LGR5: variants seen among roughly 807,000 people sequenced by gnomAD.
LGR5 encodes leucine-rich repeat-containing G protein-coupled receptor 5.
Under a neutral mutation model 76.7 loss-of-function variants are expected in LGR5, and 54 were observed. The ratio of observed to expected loss-of-function variants is 0.70; its 90% CI spans 0.57 to 0.88. The LOEUF is 0.88. Ranked by LOEUF, LGR5 falls within the 40% of genes least tolerant of loss-of-function variation. The pLI is 0.00. For synonymous variants in LGR5, 406 were observed against 421.9 expected (o/e 0.96, Z 0.46); for missense variants, 1,078 against 1,073.3 (o/e 1.00, Z -0.06).
chr12:71,552,373 T>C (rs889818033), intron 4 of LGR5, among the ~76,000 whole-genome samples: 10 of 152,140 alleles, frequency 6.6e-5, no homozygotes, highest in Non-Finnish European at 1.3e-4. Context: ...GAGACCAACC[T>C]GGCCAACATG....
intron 1 of LGR5, among the ~76,000 whole-genome samples, chr12:71,466,292 C>T (rs1381681338): frequency 4.6e-5 from 7 of 152,222 alleles, no homozygotes; most frequent in African/African-American, 1.7e-4. Context: ...GTATCATCAA[C>T]TCTGAAAGGG....
chr12:71,561,515 T>C (rs1408026358), intron 7 of LGR5, among the ~76,000 whole-genome samples: 1 of 152,248 alleles, frequency 6.6e-6, no homozygotes, highest in African/African-American at 2.4e-5. Flanking sequence ...ACAGATTTTC[T>C]TCTTATAACA....
chr12:71,475,518 C>G (rs1373439721), intron 1 of LGR5, among the ~76,000 whole-genome samples: 3 of 152,138 alleles, frequency 2.0e-5, no homozygotes, highest in East Asian at 1.9e-4. Flanking sequence ...GGTCGTGTTG[C>G]AACACAAGCA....
Position 71,440,337 on chromosome 12 carries a change from A to G in LGR5, c.212+45A>G, listed in dbSNP as rs1286576395. 1 of 1,576,702 alleles carries G rather than the reference A, an allele frequency of 6.3e-7. No homozygotes were observed. Among genetic ancestry groups the G allele is most frequent in the Admixed American group, 1.7e-5 (1 of 59,738 alleles). ...ACTCCGGGAGAGAGACTAAGAGGGG[A>G]AGGAAGGTTCGTCCAAGGCGAGGCT... On this transcript the variant is annotated intron_variant, in intron 1 of 17. Transcript: ENST00000266674. This position sits in a 1 kb window ranked among gnomAD's most constrained non-coding sequence, Gnocchi z 5.3.
At chr12:71,519,021 A>T (rs745628840) in intron 2 of LGR5, among the ~76,000 whole-genome samples, 5 of 152,172 alleles carry the variant, frequency 3.3e-5, no homozygotes, top group Non-Finnish European at 5.9e-5. Flanking sequence ...CATCAGAAGG[A>T]CATTTCTAAA....
intron 4 of LGR5, among the ~76,000 whole-genome samples, chr12:71,548,003 T>C: frequency 6.6e-6 from 1 of 152,136 alleles, no homozygotes; most frequent in East Asian, 1.9e-4. Flanking sequence ...GACCATAAAG[T>C]GGGTGCTATT....
intron 1 of LGR5, among the ~76,000 whole-genome samples, chr12:71,456,588 C>T (rs1954586255): frequency 6.6e-6 from 1 of 152,064 alleles, no homozygotes; most frequent in African/African-American, 2.4e-5. Flanking sequence ...AAGAAGGCAA[C>T]CATTTTATTT....
At position 71,580,371 on chromosome 12, in the gene LGR5, C is replaced by T. The variant is rs775333391; in HGVS notation, c.1500C>T (p.Asn500=). 5 of 1,613,848 alleles carry T rather than the reference C, an allele frequency of 3.1e-6. No individual in the cohort carries two copies. The highest frequency in any genetic ancestry group is 1.3e-5 in the African/African-American group (1 of 74,924). Residue 500 remains asparagine (N), a synonymous_variant, in exon 16 of 18, where the codon AAC becomes AAT. Coordinates refer to ENST00000266674, the MANE Select transcript of LGR5 (RefSeq NM_003667.4). ...KISNQWNKGD[N]SSMDDLHKKD... ...CTAATCAATGGAATAAAGGTGACAA[C>T]AGCAGTATGGACGACCTTCATAAGA...
At chr12:71,567,127 A>T (rs957002287) in intron 11 of LGR5, 16 of 540,278 alleles carry the variant, frequency 3.0e-5, no homozygotes, top group Non-Finnish European at 5.3e-5. Flanking sequence ...TAAGTCCCAA[A>T]CAAGCTCCCA....
intron 1 of LGR5, among the ~76,000 whole-genome samples, chr12:71,469,183 T>C (rs766279129): frequency 5.3e-5 from 8 of 152,232 alleles, no homozygotes; most frequent in Non-Finnish European, 8.8e-5. Flanking sequence ...GTGAATTTAT[T>C]CAGCCTGAAA....
intron 17 of LGR5, 197 bp downstream of exon 17, chr12:71,582,736 G>A: frequency 5.6e-6 from 3 of 537,342 alleles, no homozygotes; most frequent in Non-Finnish European, 6.7e-6. Flanking sequence ...GGATTGAGGT[G>A]GGAGGACTTT....
At chr12:71,560,596 A>G (rs936166963) in intron 7 of LGR5, among the ~76,000 whole-genome samples, 3 of 152,212 alleles carry the variant, frequency 2.0e-5, no homozygotes, top group Non-Finnish European at 4.4e-5. Flanking sequence ...GTTCGAGACC[A>G]GCCTGGCCAA....
chr12:71,441,305 CA>C (rs1049707702), intron 1 of LGR5, among the ~76,000 whole-genome samples: 1 of 152,222 alleles, frequency 6.6e-6, no homozygotes. Flanking sequence ...CCGTGCAAAG[CA>C]TCTGGGGCTT....
rs1448541772 is a variant in LGR5, at chr12:71,582,550, C to T, written c.1636+11C>T. On this transcript the variant is annotated intron_variant, in intron 17 of 17. Transcript: ENST00000266674. The stretch of plus-strand genomic sequence containing the variant: ...GTTCACCTTCCCCAGGTGAGAAAGG[C>T]ATCAAAAATTCCTCAACGGCAGTAT... The T allele has an allele frequency of 6.2e-7, 1 of 1,601,124 alleles. No individual in the cohort carries two copies. Among genetic ancestry groups the T allele is most frequent in the South Asian group, 1.1e-5 (1 of 90,836 alleles).
At chr12:71,450,638 T>C (rs1181234121) in intron 1 of LGR5, among the ~76,000 whole-genome samples, 1 of 152,198 alleles carries the variant, frequency 6.6e-6, no homozygotes, top group Non-Finnish European at 1.5e-5. Flanking sequence ...TATGTGATTA[T>C]TGTAATTAAA....
At chr12:71,564,659 AT>A (rs1878225564) in intron 8 of LGR5, among the ~76,000 whole-genome samples, 2 of 148,360 alleles carry the variant, frequency 1.3e-5, no homozygotes, top group Admixed American at 6.8e-5. Flanking sequence ...ATATACATAT[AT>A]GTACACACAC....
chr12:71,440,554 T>A lies in LGR5; in HGVS notation c.212+262T>A, dbSNP rs1284522833. The stretch of plus-strand genomic sequence containing the variant: ...GCGCTGCTGCGCCGCAGCTTCCCAG[T>A]CCAGCGCTAGAAACATCGCAGGGCG... On this transcript the variant is annotated intron_variant, in intron 1 of 17. Coordinates refer to ENST00000266674, the MANE Select transcript of LGR5 (RefSeq NM_003667.4). The surrounding 1 kb of genome is among the most constrained non-coding windows in gnomAD (Gnocchi z 5.3). 6.6e-6 allele frequency among the ~76,000 whole-genome samples: 1 copy of A among 152,162 alleles called. No homozygotes were observed.
chr12:71,491,028 C>T (rs35465698), intron 1 of LGR5, among the ~76,000 whole-genome samples: 17,210 of 152,018 alleles, frequency 0.11, 1,092 homozygotes, highest in African/African-American at 0.17. Flanking sequence ...CTCCTGATAG[C>T]GAATAAGAGA....
rs1194555529 is a variant in LGR5 at position 71,580,184 on chromosome 12, C to T, written c.1407-94C>T. ...TTGGATTATTTATTTAGGCTAAAATCCAAAGGTAGAATAATTGGGTGAAAG... is the reference window on the plus strand; with the variant it reads ...TTGGATTATTTATTTAGGCTAAAATTCAAAGGTAGAATAATTGGGTGAAAG... On this transcript the variant is annotated intron_variant, in intron 15 of 17. Transcript: ENST00000266674. The T allele has an allele frequency of 3.3e-6, 4 of 1,199,850 alleles. No homozygotes were observed. The African/African-American group carries it at 4.6e-5, about 14-fold the overall frequency. The allele number at this position is 1,199,850 out of a possible 1,614,324, so 74.3% of individuals were successfully genotyped here.
Sources: allele counts gnomAD v4.1 joint callset (sites outside exome capture counted in the v4.1 genomes callset), GRCh38; gene constraint gnomAD v4.1.1; non-coding constraint Gnocchi (gnomAD v3.1); transcripts MANE v1.5; gene names NCBI Gene and HGNC (gene_info 2026-07-23, HGNC 2026-07-21).